The following LCMT1 variants were observed in gnomAD, a reference collection of about 807,000 sequenced individuals.
The protein encoded by LCMT1 is leucine carboxyl methyltransferase 1, also known as [Phosphatase 2A protein]-leucine-carboxy methyltransferase 1.
A neutral mutation model predicts 47.7 loss-of-function variants in LCMT1; 32 were observed. The ratio of observed to expected loss-of-function variants is 0.67; its 90% CI spans 0.51 to 0.90. The LOEUF is 0.90. Among genes scored for constraint, LCMT1 ranks in the 40% least tolerant of loss-of-function variants. The pLI is 0.00. For missense variants in LCMT1, 375 were observed against 415.2 expected (o/e 0.90, Z 0.84); for synonymous variants, 152 against 149.7 (o/e 1.02, Z -0.11).
At chr16:25,123,828 C>T (rs1023411303) in intron 1 of LCMT1, among the ~76,000 whole-genome samples, 12 of 151,996 alleles carry the variant, frequency 7.9e-5, no homozygotes, top group African/African-American at 1.4e-4. Context: ...AGGCTGGTCT[C>T]GAACTCCTGA....
intron 1 of LCMT1, among the ~76,000 whole-genome samples, chr16:25,120,739 GTTTTTTTTTTTTGTT>G (rs1308521144): frequency 9.7e-6 from 1 of 103,576 alleles, no homozygotes; most frequent in African/African-American, 3.7e-5. Context: ...TTGTTTTTTT[GTTTTTTTTTTTTGTT>G]TTTTTTTTTT....
At chr16:25,115,098 C>T (rs1285753515) in intron 1 of LCMT1, among the ~76,000 whole-genome samples, 2 of 152,198 alleles carry the variant, frequency 1.3e-5, no homozygotes, top group East Asian at 1.9e-4. Context: ...ACACCCTGTG[C>T]TTTTATCCTG....
chr16:25,154,446 C>T (rs1486743823), intron 5 of LCMT1, among the ~76,000 whole-genome samples: 5 of 150,850 alleles, frequency 3.3e-5, no homozygotes, highest in Non-Finnish European at 7.4e-5. Context: ...TAGTTTCTTT[C>T]CTTTTCAGTT....
chr16:25,117,657 A>G (rs971749775), intron 1 of LCMT1, among the ~76,000 whole-genome samples: 2 of 152,168 alleles, frequency 1.3e-5, no homozygotes, highest in Non-Finnish European at 1.5e-5. Context: ...GTTTGAGACC[A>G]ACCTGGCCAA....
intron 1 of LCMT1, among the ~76,000 whole-genome samples, chr16:25,119,901 C>T (rs1020161916): frequency 2.6e-5 from 4 of 152,080 alleles, no homozygotes; most frequent in Non-Finnish European, 5.9e-5. Context: ...TGGCTCATGC[C>T]TGTAATCCCA....
At chr16:25,151,132 C>G (rs1291638940) in intron 4 of LCMT1, among the ~76,000 whole-genome samples, 1 of 152,128 alleles carries the variant, frequency 6.6e-6, no homozygotes, top group African/African-American at 2.4e-5. Context: ...GTGTAAGAGT[C>G]AATTCTTCTG....
At chr16:25,169,024 G>T in intron 7 of LCMT1, 88 bp from the exon 8 acceptor site, 1 of 953,148 alleles carries the variant, frequency 1.0e-6, no homozygotes, top group Non-Finnish European at 1.7e-6. Flanking sequence ...CGTCAGCCTC[G>T]GCTGCTTAAA....
At chr16:25,142,421 C>T (rs1337264310) in intron 4 of LCMT1, 1 of 152,168 alleles carries the variant, frequency 6.6e-6, no homozygotes. Context: ...CTTAGGTCCA[C>T]CATAAGAGGT....
At chr16:25,156,927 G>A (rs1473765169) in intron 5 of LCMT1, among the ~76,000 whole-genome samples, 1 of 146,482 alleles carries the variant, frequency 6.8e-6, no homozygotes, top group Non-Finnish European at 1.5e-5. Flanking sequence ...GCCTGAGGCT[G>A]TCTCCATTTT....
chr16:25,151,708 T>C (rs1800220700), intron 5 of LCMT1, 93 bp downstream of exon 5: 1 of 771,854 alleles, frequency 1.3e-6, no homozygotes, highest in African/African-American at 1.7e-5. Context: ...TGTGTGTGTG[T>C]GTGTGTGTGT....
rs1961527480 is a variant in LCMT1, at chr16:25,164,503, A to G, written c.570-95A>G. The G allele has an allele frequency of 7.4e-6, 11 of 1,492,142 alleles. No individual in the cohort carries two copies. In the South Asian group the frequency reaches 9.5e-5, roughly 13 times the overall value. The allele number at this position is 1,492,142 out of a possible 1,614,324, so 92.4% of individuals were successfully genotyped here. A position where few individuals can be genotyped will look rare whatever the true frequency, so the allele number is the denominator to read the frequency against. ...TCAGGCCTTCTGAGTTCCCTGGGGC[A>G]TGGACCGCCCCACCAATACTGCAAC... On this transcript the variant is annotated intron_variant, in intron 6 of 10. Coordinates refer to ENST00000399069, the MANE Select transcript of LCMT1 (RefSeq NM_016309.3).
chr16:25,137,345 T>C (rs778365295), intron 3 of LCMT1, among the ~76,000 whole-genome samples: 2 of 151,746 alleles, frequency 1.3e-5, no homozygotes, highest in Non-Finnish European at 2.9e-5. Context: ...CCCTCAAGTA[T>C]CTTGAAATAG....
chr16:25,112,333 C>T (rs1959647508), intron 1 of LCMT1, among the ~76,000 whole-genome samples: 1 of 152,146 alleles, frequency 6.6e-6, no homozygotes. Context: ...CGATGGGTTA[C>T]GAGGATGAGA....
chr16:25,139,003 G>A (rs1295116336), intron 3 of LCMT1, among the ~76,000 whole-genome samples: 2 of 151,924 alleles, frequency 1.3e-5, no homozygotes, highest in Admixed American at 6.6e-5. Context: ...GCAGCAGCGC[G>A]ATCTCAGCTC....
In LCMT1 at chr16:25,175,000, C is replaced by A; in HGVS notation, c.948C>A (p.Cys316Ter). Reference sequence around the variant, plus strand: ...TGGAGCAGCTCATGCGGCATTACTGCCTTTGCTGGGCAACCAAAGGAGGAA... The same window carrying A: ...TGGAGCAGCTCATGCGGCATTACTGACTTTGCTGGGCAACCAAAGGAGGAA... ...ELLEQLMRHYCLCWATKGGNE... is the reference protein window; with the variant it reads ...ELLEQLMRHY The change falls in exon 10 of 11, where the codon TGC becomes TGA. Residue 316 changes from cysteine (C) to a stop codon, truncating the protein, a stop_gained. Transcript: ENST00000399069. LOFTEE classifies it high-confidence loss of function. The A allele has an allele frequency of 6.2e-7, 1 of 1,610,484 alleles. No homozygotes were observed.
At chr16:25,129,374 G>T (rs12596254) in intron 2 of LCMT1, among the ~76,000 whole-genome samples, 34,556 of 151,628 alleles carry the variant, frequency 0.23, 4,034 homozygotes, top group East Asian at 0.34. Context: ...TAAATTTAAT[G>T]AATTCAAAAA....
At chr16:25,145,152 A>T (rs1960812389) in intron 4 of LCMT1, 2 of 152,172 alleles carry the variant, frequency 1.3e-5, no homozygotes, top group South Asian at 4.1e-4. Context: ...CCAGTCCACA[A>T]CTAGTGTTCG....
intron 7 of LCMT1, among the ~76,000 whole-genome samples, chr16:25,167,310 C>CT (rs1202315652): frequency 2.0e-5 from 3 of 151,558 alleles, no homozygotes; most frequent in African/African-American, 4.8e-5. Context: ...TTTGCTTTTC[C>CT]TTTTTTTTGG....
chr16:25,122,000 T>C (rs377101144), intron 1 of LCMT1, among the ~76,000 whole-genome samples: 1 of 152,188 alleles, frequency 6.6e-6, no homozygotes, highest in South Asian at 2.1e-4. Flanking sequence ...GTGGCTCTGG[T>C]TTTTGCTCTG....
Sources: allele counts gnomAD v4.1 joint callset (sites outside exome capture counted in the v4.1 genomes callset), GRCh38; gene constraint gnomAD v4.1.1; transcripts MANE v1.5; gene names NCBI Gene and HGNC (gene_info 2026-07-23, HGNC 2026-07-21).